The following KRABD1 variants were observed in gnomAD, a reference collection of about 807,000 sequenced individuals.
The protein encoded by KRABD1 is KRAB domain containing 1.
At chr3:42,939,637 C>A in the KRABD1 span, among the ~76,000 whole-genome samples, 2 of 152,044 alleles carry the variant, frequency 1.3e-5, no homozygotes, top group East Asian at 3.8e-4. Flanking sequence ...AGATACTGCC[C>A]AACAATTTTC....
At chr3:42,938,849 G>T in the KRABD1 span, 2 of 1,413,158 alleles carry the variant, frequency 1.4e-6, no homozygotes, top group Non-Finnish European at 1.9e-6. Context: ...TTTACCTTCA[G>T]CACCTGAGAC....
chr3:42,942,340 G>A, the KRABD1 span, among the ~76,000 whole-genome samples: 7 of 152,148 alleles, frequency 4.6e-5, no homozygotes, highest in African/African-American at 1.4e-4. Context: ...CTGGTTATTT[G>A]TGATCATTTT....
chr3:42,942,490 A>G, the KRABD1 span: 1 of 523,320 alleles, frequency 1.9e-6, no homozygotes, highest in Non-Finnish European at 3.1e-6. Context: ...AATTTTTTAT[A>G]CTGAAATATT....
chr3:42,936,555 T>C, the KRABD1 span: 1 of 152,378 alleles, frequency 6.6e-6, no homozygotes, highest in South Asian at 2.1e-4. Context: ...CTTGGCTCTG[T>C]AGCGTCGAGA....
At chr3:42,938,031 C>T in the KRABD1 span, 1 of 152,180 alleles carries the variant, frequency 6.6e-6, no homozygotes, top group Non-Finnish European at 1.5e-5. Context: ...GTCTTTAATG[C>T]ATAAATATTG....
the KRABD1 span, among the ~76,000 whole-genome samples, chr3:42,941,511 A>G: frequency 6.6e-6 from 1 of 152,216 alleles, no homozygotes; most frequent in East Asian, 1.9e-4. Flanking sequence ...TTTCTAGCGT[A>G]AAAGCTACCC....
the KRABD1 span, among the ~76,000 whole-genome samples, chr3:42,939,480 T>C: frequency 2.0e-5 from 3 of 152,226 alleles, no homozygotes; most frequent in Non-Finnish European, 4.4e-5. Context: ...GGATGGACTT[T>C]TGGTTGTTCC....
At chr3:42,939,479 T>G in the KRABD1 span, among the ~76,000 whole-genome samples, 2 of 152,214 alleles carry the variant, frequency 1.3e-5, no homozygotes, top group South Asian at 4.1e-4. Context: ...TGGATGGACT[T>G]TTGGTTGTTC....
At chr3:42,942,572 TA>T in the KRABD1 span, 2 of 1,421,724 alleles carry the variant, frequency 1.4e-6, no homozygotes, top group African/African-American at 1.4e-5. Context: ...CTTACTTAGC[TA>T]AAGCAGTGTT....
the KRABD1 span, chr3:42,941,993 C>T: frequency 3.3e-6 from 5 of 1,535,884 alleles, no homozygotes; most frequent in South Asian, 3.6e-5. Context: ...GGTCTCTCAT[C>T]TGGAGCAAGG....
At chr3:42,938,905 G>A in the KRABD1 span, 26 of 1,532,216 alleles carry the variant, frequency 1.7e-5, no homozygotes, top group Non-Finnish European at 2.2e-5. Context: ...GATGATGACA[G>A]CTGTGTCCTT....
At chr3:42,938,783 G>C in the KRABD1 span, 1 of 656,204 alleles carries the variant, frequency 1.5e-6, no homozygotes, top group East Asian at 2.8e-5. Flanking sequence ...AGATGGGTCA[G>C]AGGTTGTTTG....
the KRABD1 span, chr3:42,941,866 C>T: frequency 1.3e-6 from 1 of 766,026 alleles, no homozygotes; most frequent in South Asian, 1.5e-5. Context: ...TTACTCTCCT[C>T]ACCTCCCTTG....
the KRABD1 span, among the ~76,000 whole-genome samples, chr3:42,940,020 C>G: frequency 6.6e-6 from 1 of 152,146 alleles, no homozygotes; most frequent in Admixed American, 6.5e-5. Context: ...TCAATGAAGT[C>G]CAGTATATCA....
At chr3:42,942,359 T>G in the KRABD1 span, among the ~76,000 whole-genome samples, 3 of 152,224 alleles carry the variant, frequency 2.0e-5, no homozygotes, top group South Asian at 6.2e-4. Flanking sequence ...TTTTTCCAGT[T>G]TCTCCAGTTT....
At chr3:42,941,985 T>C in the KRABD1 span, 1 of 1,535,902 alleles carries the variant, frequency 6.5e-7, no homozygotes, top group Non-Finnish European at 8.7e-7. Context: ...CCAGCTTTGG[T>C]CTCTCATCTG....
At chr3:42,939,806 T>C in the KRABD1 span, among the ~76,000 whole-genome samples, 1 of 152,212 alleles carries the variant, frequency 6.6e-6, no homozygotes, top group Non-Finnish European at 1.5e-5. Flanking sequence ...CATAGGTTTA[T>C]TGGCATATCC....
At chr3:42,938,970 T>G in the KRABD1 span, 2 of 1,459,406 alleles carry the variant, frequency 1.4e-6, no homozygotes, top group African/African-American at 2.8e-5. Flanking sequence ...TATCCCTGTG[T>G]GTATATACAT....
chr3:42,936,416 C>T, the KRABD1 span: 1 of 152,344 alleles, frequency 6.6e-6, no homozygotes, highest in South Asian at 2.1e-4. Flanking sequence ...CCCACCATCT[C>T]TGCTTGCTGA....
Sources: gnomAD v4.1 joint callset for allele counts (sites outside exome capture counted in the v4.1 genomes callset) on GRCh38, gnomAD v4.1.1 for gene constraint, MANE v1.5 for transcripts, NCBI Gene and HGNC (gene_info 2026-07-23, HGNC 2026-07-21) for gene names.